The following ASRGL1 variants were observed in gnomAD, a reference collection of about 807,000 sequenced individuals.
ASRGL1 encodes the protein asparaginase and isoaspartyl peptidase 1.
In ASRGL1, 16 loss-of-function variants were observed where a neutral mutation model predicts 22.4. That is an observed-to-expected ratio of 0.71 (90% CI 0.48 to 1.08). The LOEUF (loss-of-function observed/expected upper bound fraction) is 1.08, where lower values mean the gene tolerates loss of function less well. ASRGL1 is among the 50% of genes least tolerant of loss of function. The pLI is 0.00. For synonymous variants in ASRGL1, 165 were observed against 159.3 expected (o/e 1.04, Z -0.27); for missense variants, 412 against 410.1 (o/e 1.00, Z -0.04).
intron 2 of ASRGL1, among the ~76,000 whole-genome samples, chr11:62,346,720 A>C (rs1946033045): frequency 6.6e-6 from 1 of 152,194 alleles, no homozygotes; most frequent in Non-Finnish European, 1.5e-5. Flanking sequence ...CTGTAATCCC[A>C]GCACTTTGGG....
chr11:62,366,090 C>T (rs1229198414), intron 4 of ASRGL1, among the ~76,000 whole-genome samples: 7 of 143,120 alleles, frequency 4.9e-5, no homozygotes, highest in Admixed American at 4.2e-4. Context: ...GGTGAAACCC[C>T]GTCTCTACTG....
intron 2 of ASRGL1, among the ~76,000 whole-genome samples, chr11:62,349,508 CACGG>C (rs1946117259): frequency 1.3e-5 from 2 of 152,152 alleles, no homozygotes; most frequent in African/African-American, 4.8e-5. Context: ...TCCAATTCCC[CACGG>C]ATACTGAGGG....
At chr11:62,386,893 A>T (rs1434101717) in intron 4 of ASRGL1, among the ~76,000 whole-genome samples, 2 of 143,888 alleles carry the variant, frequency 1.4e-5, no homozygotes, top group South Asian at 4.4e-4. Context: ...GGAAAGAATG[A>T]TTTTTTTTTT....
intron 4 of ASRGL1, chr11:62,382,245 G>GTGCTCAA (rs1382687195): frequency 2.0e-5 from 3 of 149,176 alleles, no homozygotes; most frequent in African/African-American, 7.7e-5. Context: ...CAGGGGACCG[G>GTGCTCAA]TGCTCAGCAT....
chr11:62,371,569 G>C (rs1270065844), intron 4 of ASRGL1: 1 of 695,866 alleles, frequency 1.4e-6, no homozygotes, highest in Non-Finnish European at 2.7e-6. Flanking sequence ...ACAATACACT[G>C]CGGAAGGCCA....
chr11:62,339,041 T>C (rs1265926218), intron 2 of ASRGL1, among the ~76,000 whole-genome samples: 2 of 152,136 alleles, frequency 1.3e-5, no homozygotes, highest in East Asian at 3.8e-4. Context: ...TAGCAGTCTA[T>C]TGAGAGAATA....
intron 4 of ASRGL1, among the ~76,000 whole-genome samples, chr11:62,361,906 G>T (rs1242600959): frequency 6.6e-6 from 1 of 152,064 alleles, no homozygotes; most frequent in African/African-American, 2.4e-5. Flanking sequence ...ATGTTTCATT[G>T]GCTTTATATC....
At chr11:62,381,350 T>C (rs1391874858) in intron 4 of ASRGL1, among the ~76,000 whole-genome samples, 1 of 152,194 alleles carries the variant, frequency 6.6e-6, no homozygotes, top group African/African-American at 2.4e-5. Context: ...GTAGTCAACA[T>C]TTTGCATTGA....
Position 62,391,588 on chromosome 11 carries a change from TG to T in ASRGL1, c.678del (p.Lys227ArgfsTer2), listed in dbSNP as rs767375744. Reference protein sequence around the residue: ...VSTTGHGESILKVNLARLTLF... With the variant: ...VSTTGHGESIXKVNLARLTLF... ...ACCACAGGGCATGGGGAAAGCATCC[TG>T]AAGGTGAACCTGGCTAGACTCACCC... On this transcript the variant is annotated frameshift_variant, in exon 6 of 7. Coordinates refer to ENST00000415229, the MANE Select transcript of ASRGL1 (RefSeq NM_001083926.2). LOFTEE classifies it high-confidence loss of function. 1 of 1,612,580 alleles carries T rather than the reference TG, an allele frequency of 6.2e-7. No individual in the cohort carries two copies. Among genetic ancestry groups the T allele is most frequent in the East Asian group, 2.2e-5 (1 of 44,888 alleles).
At chr11:62,337,867 G>A in intron 1 of ASRGL1, 23 bp from the exon 2 acceptor site, 1 of 1,218,196 alleles carries the variant, frequency 8.2e-7, no homozygotes, top group Non-Finnish European at 1.1e-6. Flanking sequence ...GTTCAGAACA[G>A]AGACTGGGCA....
Position 62,375,975 on chromosome 11 carries a change from G to A in ASRGL1, c.492-13158G>A, listed in dbSNP as rs182505658. Among the ~76,000 whole-genome samples the A allele has an allele frequency of 1.3e-4, 19 of 151,984 alleles. 1 individual carries two copies. The East Asian group carries it at 2.1e-3, about 17-fold the overall frequency. Reference sequence around the variant, plus strand: ...AAATTAGCTGGGCGTGGTGGCACGCGCCTGTAATCCCAGCTACTCAGGAGG... The same window carrying A: ...AAATTAGCTGGGCGTGGTGGCACGCACCTGTAATCCCAGCTACTCAGGAGG... On this transcript the variant is annotated intron_variant, in intron 4 of 6. Coordinates refer to ENST00000415229, the MANE Select transcript of ASRGL1 (RefSeq NM_001083926.2).
downstream of ASRGL1, among the ~76,000 whole-genome samples, chr11:62,394,271 T>TTATATATCATATATTG (rs1947403693): frequency 7.0e-6 from 1 of 142,892 alleles, no homozygotes; most frequent in Non-Finnish European, 1.5e-5. Flanking sequence ...ATACTATATA[T>TTATATATCATATATTG]TATATATCAT....
chr11:62,360,106 A>G (rs1030398346), intron 4 of ASRGL1, among the ~76,000 whole-genome samples: 1 of 149,292 alleles, frequency 6.7e-6, no homozygotes, highest in African/African-American at 2.5e-5. Flanking sequence ...ATCTCGGCTT[A>G]CTGCAACCTC....
At chr11:62,386,034 C>T (rs185305338) in intron 4 of ASRGL1, among the ~76,000 whole-genome samples, 173 of 151,812 alleles carry the variant, frequency 1.1e-3, no homozygotes, top group South Asian at 2.3e-3. Flanking sequence ...TGGTGACACA[C>T]GCCTGTAGTC....
chr11:62,359,942 G>A (rs1946393439), intron 4 of ASRGL1, among the ~76,000 whole-genome samples: 1 of 149,100 alleles, frequency 6.7e-6, no homozygotes, highest in Non-Finnish European at 1.5e-5. Flanking sequence ...TAAAAATTTT[G>A]TATATTTTAC....
chr11:62,389,694 C>A, intron 5 of ASRGL1: 3 of 306,342 alleles, frequency 9.8e-6, no homozygotes, highest in South Asian at 8.9e-5. Flanking sequence ...CATACTTCTA[C>A]AGACACATTA....
chr11:62,339,415 GT>G (rs1945811759), intron 2 of ASRGL1, among the ~76,000 whole-genome samples: 1 of 152,150 alleles, frequency 6.6e-6, no homozygotes, highest in South Asian at 2.1e-4. Context: ...AGGTTCCAAA[GT>G]TTTCAGGTTA....
chr11:62,349,063 G>A (rs1324970991), intron 2 of ASRGL1, among the ~76,000 whole-genome samples: 1 of 152,038 alleles, frequency 6.6e-6, no homozygotes, highest in East Asian at 1.9e-4. Flanking sequence ...CCACCTCCTA[G>A]GTTCAAGTGA....
chr11:62,368,854 G>T (rs1946684478), intron 4 of ASRGL1, among the ~76,000 whole-genome samples: 1 of 152,128 alleles, frequency 6.6e-6, no homozygotes, highest in South Asian at 2.1e-4. Context: ...ATTGCCACTA[G>T]CACATCTCAG....
Sources: gnomAD v4.1 joint callset for allele counts (sites outside exome capture counted in the v4.1 genomes callset) on GRCh38, gnomAD v4.1.1 for gene constraint, MANE v1.5 for transcripts, NCBI Gene and HGNC (gene_info 2026-07-23, HGNC 2026-07-21) for gene names.